Variants in OR3A3 observed in about 807,000 individuals in gnomAD.
The protein encoded by OR3A3 is olfactory receptor family 3 subfamily A member 3.
For synonymous variants in OR3A3, 103 were observed against 163.9 expected, an observed-to-expected ratio of 0.63 and a Z score of 2.84; for missense variants, 275 against 391.4, an observed-to-expected ratio of 0.70 and a Z score of 2.51.
intron 2 of OR3A3, among the ~76,000 whole-genome samples, 167 bp from the exon 3 acceptor site, chr17:3,420,413 G>A (rs534885076): frequency 6.6e-6 from 1 of 152,354 alleles, no homozygotes; most frequent in Non-Finnish European, 1.5e-5. Context: ...GGACAAGGTG[G>A]TGGTGGCATT....
exon 3 of OR3A3, chr17:3,421,549 C>T (rs745571268): frequency 7.3e-6 from 11 of 1,516,824 alleles, no homozygotes; most frequent in Non-Finnish European, 9.7e-6. Context: ...GACCTCCTTT[C>T]CTGCCTTTTC....
intron 2 of OR3A3, among the ~76,000 whole-genome samples, chr17:3,415,454 G>A (rs936236352): frequency 6.6e-5 from 10 of 151,114 alleles, no homozygotes; most frequent in South Asian, 2.1e-4. Context: ...CCAGCTACTC[G>A]GGAGGATGAG....
At chr17:3,420,388 A>G (rs2072423011) in intron 2 of OR3A3, among the ~76,000 whole-genome samples, 192 bp from the exon 3 acceptor site, 2 of 152,226 alleles carry the variant, frequency 1.3e-5, no homozygotes, top group Non-Finnish European at 2.9e-5. Context: ...CTTTTCAGCT[A>G]GCAGAGGATG....
chr17:3,419,791 T>C (rs2150681797), intron 2 of OR3A3, among the ~76,000 whole-genome samples: 1 of 143,284 alleles, frequency 7.0e-6, no homozygotes, highest in Non-Finnish European at 1.5e-5. Context: ...TGGAGTGCAG[T>C]GGCGCGATCT....
intron 2 of OR3A3, among the ~76,000 whole-genome samples, chr17:3,417,644 A>G (rs981302473): frequency 1.3e-5 from 2 of 152,140 alleles, no homozygotes; most frequent in South Asian, 2.1e-4. Context: ...TGTTGCTTGT[A>G]TATTTGAGTT....
In OR3A3 at chr17:3,422,930, G is replaced by A. The variant is rs1262600973; in HGVS notation, c.*1397G>A. On this transcript the variant is annotated 3_prime_UTR_variant, in exon 3 of 3. Coordinates refer to ENST00000641141, the Ensembl canonical transcript of OR3A3. ...ATGAGCAAAAGTGGTAAGAAGGAAG[G>A]ATGGAAGTAATGAAGGAAATGATGC... The A allele has an allele frequency of 2.0e-5, 3 of 152,288 alleles. No homozygotes were observed. In the East Asian group the frequency reaches 5.8e-4, roughly 29 times the overall value. The allele number at this position is 152,288 out of a possible 1,614,324, so 9.4% of individuals were successfully genotyped here. A position where few individuals can be genotyped will look rare whatever the true frequency, so the allele number is the denominator to read the frequency against.
At chr17:3,423,421 T>TC (rs2072449628) in exon 3 of OR3A3, 1 of 152,236 alleles carries the variant, frequency 6.6e-6, no homozygotes, top group Non-Finnish European at 1.5e-5. Context: ...CCACCTGTCC[T>TC]CCAACACTGA....
intron 2 of OR3A3, among the ~76,000 whole-genome samples, chr17:3,413,709 A>G (rs1280315140): frequency 6.6e-6 from 1 of 151,952 alleles, no homozygotes; most frequent in African/African-American, 2.4e-5. Context: ...GCTGCTCGGG[A>G]GGCTGAGGCA....
At chr17:3,419,779 G>A (rs1384054188) in intron 2 of OR3A3, among the ~76,000 whole-genome samples, 2 of 140,084 alleles carry the variant, frequency 1.4e-5, no homozygotes, top group Non-Finnish European at 3.0e-5. Flanking sequence ...TGTCGCCCAG[G>A]CTGGAGTGCA....
chr17:3,417,709 T>C (rs1229774922), intron 2 of OR3A3, among the ~76,000 whole-genome samples: 1 of 152,202 alleles, frequency 6.6e-6, no homozygotes, highest in African/African-American at 2.4e-5. Flanking sequence ...ATGAAGATTT[T>C]ATAGGAAGTT....
exon 3 of OR3A3, chr17:3,423,811 T>A (rs2072452633): frequency 6.6e-6 from 1 of 152,094 alleles, no homozygotes; most frequent in African/African-American, 2.4e-5. Flanking sequence ...CGGGCACCTG[T>A]AATCCCAGCT....
intron 2 of OR3A3, among the ~76,000 whole-genome samples, chr17:3,415,802 ATTATTATT>A (rs1567583243): frequency 5.2e-4 from 53 of 102,554 alleles, no homozygotes; most frequent in African/African-American, 2.1e-3. Flanking sequence ...TTTTTAAATT[ATTATTATT>A]ATTATTATTA....
exon 3 of OR3A3, chr17:3,420,796 G>C (rs1371869184): frequency 7.6e-7 from 1 of 1,313,058 alleles, no homozygotes; most frequent in African/African-American, 1.5e-5. Context: ...GAACCTGTCA[G>C]TGCTGGATGT....
At chr17:3,419,919 C>T (rs2072417682) in intron 2 of OR3A3, among the ~76,000 whole-genome samples, 1 of 151,932 alleles carries the variant, frequency 6.6e-6, no homozygotes, top group South Asian at 2.1e-4. Flanking sequence ...GCGCCTGCCA[C>T]CAAGCCCGGC....
At chr17:3,420,152 A>ACT (rs2072420914) in intron 2 of OR3A3, among the ~76,000 whole-genome samples, 1 of 152,092 alleles carries the variant, frequency 6.6e-6, no homozygotes, top group South Asian at 2.1e-4. Flanking sequence ...TTTAAGGTTC[A>ACT]CCACATGAAG....
At chr17:3,419,692 TG>T (rs1334077623) in intron 2 of OR3A3, among the ~76,000 whole-genome samples, 1 of 152,018 alleles carries the variant, frequency 6.6e-6, no homozygotes, top group Non-Finnish European at 1.5e-5. Context: ...CTTATTAGTT[TG>T]GGTTGATCCC....
chr17:3,416,473 T>C (rs773471204), intron 2 of OR3A3, among the ~76,000 whole-genome samples: 1 of 152,062 alleles, frequency 6.6e-6, no homozygotes, highest in African/African-American at 2.4e-5. Context: ...ATGGAAGCTT[T>C]CTTCTTTTAT....
chr17:3,421,063 C>G (rs2072430809), exon 3 of OR3A3: 3 of 1,614,178 alleles, frequency 1.9e-6, no homozygotes, highest in African/African-American at 1.3e-5. Context: ...CACCAACGCA[C>G]TGACCCACAC....
chr17:3,417,904 C>G (rs1422027626), intron 2 of OR3A3, among the ~76,000 whole-genome samples: 1 of 152,146 alleles, frequency 6.6e-6, no homozygotes, highest in African/African-American at 2.4e-5. Context: ...CATGTTGTGA[C>G]TTTTCAGTCT....
Sources: allele counts gnomAD v4.1 joint callset (sites outside exome capture counted in the v4.1 genomes callset), GRCh38; gene constraint gnomAD v4.1.1; transcripts MANE v1.5; gene names NCBI Gene and HGNC (gene_info 2026-07-23, HGNC 2026-07-21).